INTS2: variants seen among roughly 807,000 people sequenced by gnomAD.
The protein encoded by INTS2 is KIAA1287.
INTS2 carries 57 observed loss-of-function variants against 139.6 expected under a neutral mutation model. That is an observed-to-expected ratio of 0.41 (90% CI 0.33 to 0.51). The LOEUF (loss-of-function observed/expected upper bound fraction) is 0.51, where lower values mean the gene tolerates loss of function less well. Among genes scored for constraint, INTS2 ranks in the 20% least tolerant of loss-of-function variants. The probability of loss-of-function intolerance (pLI) is 0.28; values close to 1 mark genes in which losing one functional copy is unlikely to be tolerated. For missense variants in INTS2, 1,196 were observed against 1,436.7 expected (o/e 0.83, Z 2.71); for synonymous variants, 473 against 493.4 (o/e 0.96, Z 0.55).
chr17:61,921,837 G>GAAAAAA lies in INTS2; in HGVS notation c.433-16_433-11dup. 1 of 1,232,884 alleles carries GAAAAAA rather than the reference G, an allele frequency of 8.1e-7. No individual in the cohort carries two copies. Among genetic ancestry groups the GAAAAAA allele is most frequent in the South Asian group, 1.5e-5 (1 of 67,942 alleles). 76.4% of individuals were successfully genotyped at this position (1,232,884 alleles called of 1,614,324 possible). A position where few individuals can be genotyped will look rare whatever the true frequency, so the allele number is the denominator to read the frequency against. Reference sequence around the variant, plus strand: ...CGTTGGACTCAGACACCTTAAAAAAGAAAAAAAAAAGATATAAACTCTATT... The same window carrying GAAAAAA: ...CGTTGGACTCAGACACCTTAAAAAAGAAAAAAAAAAAAAAAAGATATAAACTCTATT... On this transcript the variant is annotated splice_polypyrimidine_tract_variant and intron_variant, in intron 3 of 24. Coordinates refer to ENST00000251334, the MANE Select transcript of INTS2 (RefSeq NM_001351695.2).
rs1247704558 is a variant in INTS2 at position 61,866,254 on chromosome 17, G to A, written c.*1303C>T. ...TGCCTGCAGTCCCAGCTACTCAGGA[G>A]GTTGAGGCACGAGAATCCCTTGAAC... is the stretch of plus-strand genomic sequence containing the variant. On this transcript the variant is annotated 3_prime_UTR_variant, in exon 25 of 25. Transcript: ENST00000251334. 1 of 152,014 alleles carries A rather than the reference G, an allele frequency of 6.6e-6. No individual in the cohort carries two copies. The highest frequency in any genetic ancestry group is 1.5e-5 in the Non-Finnish European group (1 of 68,072). 9.4% of individuals were successfully genotyped at this position (152,014 alleles called of 1,614,324 possible). A position where few individuals can be genotyped will look rare whatever the true frequency, so the allele number is the denominator to read the frequency against.
rs866047277 is a variant in INTS2 at position 61,882,081 on chromosome 17, G to A, written c.2090-910C>T. On this transcript the variant is annotated intron_variant, in intron 16 of 24. Coordinates refer to ENST00000251334, the MANE Select transcript of INTS2 (RefSeq NM_001351695.2). This position sits in a 1 kb window ranked among gnomAD's most constrained non-coding sequence, Gnocchi z 4.7. ...TGTTGAGAATCATCACTATAGATAT[G>A]GTAAAATTAAAGTTGCCCACTTTGA... Among the ~76,000 whole-genome samples, 5 of 152,116 alleles carry A rather than the reference G, an allele frequency of 3.3e-5. No individual in the cohort carries two copies. Among genetic ancestry groups the A allele is most frequent in the African/African-American group, 1.2e-4 (5 of 41,422 alleles).
intron 14 of INTS2, among the ~76,000 whole-genome samples, chr17:61,890,461 T>G (rs1202992637): frequency 2.6e-5 from 4 of 151,490 alleles, no homozygotes; most frequent in Non-Finnish European, 5.9e-5. Flanking sequence ...AATATAAAAA[T>G]TAGCCAGGCG....
At chr17:61,880,869 A>G in intron 17 of INTS2, 138 bp downstream of exon 17, 1 of 668,412 alleles carries the variant, frequency 1.5e-6, no homozygotes, top group Non-Finnish European at 2.5e-6. Context: ...CGCAAAGAGT[A>G]TTTTATATAC....
intron 8 of INTS2, among the ~76,000 whole-genome samples, chr17:61,904,894 G>C (rs1229138155): frequency 6.6e-6 from 1 of 151,442 alleles, no homozygotes; most frequent in Non-Finnish European, 1.5e-5. Context: ...TTGTACTGTA[G>C]CCTTTAAAAT....
rs1378474298 is a variant in INTS2, at chr17:61,873,974, C to T, written c.2582+939G>A. On this transcript the variant is annotated intron_variant, in intron 19 of 24. Coordinates refer to ENST00000251334, the MANE Select transcript of INTS2 (RefSeq NM_001351695.2). The surrounding 1 kb of genome is among the most constrained non-coding windows in gnomAD (Gnocchi z 4.0). ...CTTCCTCATTCTTGCTTCTAAACTTCTGCTCATACTACTCTTTTTCTCAAA... is the reference window on the plus strand; with the variant it reads ...CTTCCTCATTCTTGCTTCTAAACTTTTGCTCATACTACTCTTTTTCTCAAA... 5 of 152,190 alleles carry T rather than the reference C, an allele frequency of 3.3e-5. No individual in the cohort carries two copies. The highest frequency in any genetic ancestry group is 1.2e-4 in the African/African-American group (5 of 41,446). 9.4% of individuals were successfully genotyped at this position (152,190 alleles called of 1,614,324 possible). A position where few individuals can be genotyped will look rare whatever the true frequency, so the allele number is the denominator to read the frequency against.
At chr17:61,910,901 T>C (rs956191071) in intron 7 of INTS2, 3 of 152,186 alleles carry the variant, frequency 2.0e-5, no homozygotes, top group Non-Finnish European at 4.4e-5. Flanking sequence ...TTCTTTCTCA[T>C]TCACTCACAA....
At chr17:61,899,218 C>T (rs942946945) in intron 9 of INTS2, among the ~76,000 whole-genome samples, 6 of 152,224 alleles carry the variant, frequency 3.9e-5, no homozygotes, top group Non-Finnish European at 7.4e-5. Context: ...AATAATCTTT[C>T]TTTTCCTTTT....
At chr17:61,888,670 TA>T (rs1365472988) in intron 15 of INTS2, among the ~76,000 whole-genome samples, 1 of 151,766 alleles carries the variant, frequency 6.6e-6, no homozygotes, top group Non-Finnish European at 1.5e-5. Context: ...CCTCCCAAAG[TA>T]CCAAAGTACT....
chr17:61,868,297 A>G lies in INTS2; in HGVS notation c.3245-288T>C, dbSNP rs755514383. ...ATGACACTCATTTTATATATGAGAA[A>G]ACTCTTAAAAAAAGGTTAGAGAGGT... On this transcript the variant is annotated intron_variant, in intron 23 of 24. Coordinates refer to ENST00000251334, the MANE Select transcript of INTS2 (RefSeq NM_001351695.2). The surrounding 1 kb of genome is among the most constrained non-coding windows in gnomAD (Gnocchi z 4.7). 6.6e-6 allele frequency among the ~76,000 whole-genome samples: 1 copy of G among 152,180 alleles called. No individual in the cohort carries two copies. Among genetic ancestry groups the G allele is most frequent in the Non-Finnish European group, 1.5e-5 (1 of 67,998 alleles).
At chr17:61,898,248 G>T (rs936282911) in intron 9 of INTS2, among the ~76,000 whole-genome samples, 1 of 152,078 alleles carries the variant, frequency 6.6e-6, no homozygotes. Context: ...CACTAATCAT[G>T]GGAAAAAAGG....
In INTS2 at chr17:61,870,538, T is replaced by C. The variant is rs906151398; in HGVS notation, c.2779-550A>G. 6.6e-6 allele frequency among the ~76,000 whole-genome samples: 1 copy of C among 152,174 alleles called. No individual in the cohort carries two copies. Among genetic ancestry groups the C allele is most frequent in the African/African-American group, 2.4e-5 (1 of 41,436 alleles). On this transcript the variant is annotated intron_variant, in intron 20 of 24. Coordinates refer to ENST00000251334, the MANE Select transcript of INTS2 (RefSeq NM_001351695.2). The surrounding 1 kb of genome is among the most constrained non-coding windows in gnomAD (Gnocchi z 4.4). ...CTCAGTCTACAGGCTTGAGCATCAT[T>C]GCACAGAGCAGTAGCTTGAGGGGTA...
At chr17:61,902,416 CA>C (rs924249152) in intron 9 of INTS2, among the ~76,000 whole-genome samples, 86 of 152,230 alleles carry the variant, frequency 5.6e-4, no homozygotes, top group African/African-American at 2.0e-3. Flanking sequence ...TCCTTCCCCT[CA>C]ATCTTGTTCT....
At chr17:61,911,114 G>A (rs540736794) in intron 7 of INTS2, 92 of 208,922 alleles carry the variant, frequency 4.4e-4, no homozygotes, top group African/African-American at 2.0e-3. Flanking sequence ...ATGAGGTCTC[G>A]CTATGTTGCC....
Position 61,907,572 on chromosome 17 carries a change from C to G in INTS2, c.1017G>C (p.Leu339Phe). The change falls in exon 8 of 25, where the codon TTG becomes TTC. Residue 339 changes from leucine (L) to phenylalanine (F), a missense_variant. Transcript: ENST00000251334. ...TTCTTACTGTGGGAAGAATGCCCATCAACTCCAGAAGAAGCTGCCTTCTCA... is the reference window on the plus strand; with the variant it reads ...TTCTTACTGTGGGAAGAATGCCCATGAACTCCAGAAGAAGCTGCCTTCTCA... ...WQMRRQLLLE[L>F]MGILPTVRST... 6.3e-7 allele frequency: 1 copy of G among 1,593,496 alleles called. No individual in the cohort carries two copies. The highest frequency in any genetic ancestry group is 8.6e-7 in the Non-Finnish European group (1 of 1,169,440).
chr17:61,914,203 T>C (rs2079554433), intron 5 of INTS2, among the ~76,000 whole-genome samples: 2 of 151,918 alleles, frequency 1.3e-5, no homozygotes, highest in Non-Finnish European at 2.9e-5. Flanking sequence ...GAAAAACTAA[T>C]TATAAGAAAG....
At position 61,927,881 on chromosome 17, in the gene INTS2, A is replaced by G; in HGVS notation, c.-246T>C. 3.7e-6 allele frequency: 6 copies of G among 1,611,488 alleles called. No individual in the cohort carries two copies. The South Asian group carries it at 6.6e-5, about 18-fold the overall frequency. The stretch of plus-strand genomic sequence containing the variant: ...GATGGGGGCACCACACAAAGGCAGA[A>G]CCGGGACTGTAGGAACGGAAAAGCG... On this transcript the variant is annotated 5_prime_UTR_variant, in exon 1 of 25. Coordinates refer to ENST00000251334, the MANE Select transcript of INTS2 (RefSeq NM_001351695.2).
rs115671524 is a variant in INTS2 at position 61,874,956 on chromosome 17, T to G, written c.2539A>C (p.Ile847Leu). The change falls in exon 19 of 25, where the codon ATA (isoleucine) becomes CTA (leucine). Residue 847 changes from isoleucine to leucine, a missense_variant. Ile to Leu is a conservative substitution (Grantham distance 5, BLOSUM62 2). Transcript: ENST00000251334. ...CACCTTAGGACAATGAGAGGATCTA[T>G]CATCAGGTCATTCTGAGTATACTTT... ...QQKYTQNDLMIDPLIVLRCDQ... is the reference protein window; with the variant it reads ...QQKYTQNDLMLDPLIVLRCDQ... 2 of 1,598,328 alleles carry G rather than the reference T, an allele frequency of 1.3e-6. No individual in the cohort carries two copies. The highest frequency in any genetic ancestry group is 3.4e-5 in the Admixed American group (2 of 58,154).
rs566714798 is a variant in INTS2, at chr17:61,910,756, A to C, written c.954+764T>G. The C allele has an allele frequency of 3.9e-5, 6 of 152,242 alleles. No individual in the cohort carries two copies. The East Asian group carries it at 1.2e-3, about 29-fold the overall frequency. 9.4% of individuals were successfully genotyped at this position (152,242 alleles called of 1,614,324 possible). On this transcript the variant is annotated intron_variant, in intron 7 of 24. Transcript: ENST00000251334. Reference sequence around the variant, plus strand: ...AAAACATATATACACATATGTATTAAAATTTAAAAATATAATAACTTATTT... The same window carrying C: ...AAAACATATATACACATATGTATTACAATTTAAAAATATAATAACTTATTT...
Sources: gnomAD v4.1 joint callset for allele counts (sites outside exome capture counted in the v4.1 genomes callset) on GRCh38, gnomAD v4.1.1 for gene constraint, Gnocchi (gnomAD v3.1) non-coding constraint, MANE v1.5 for transcripts, NCBI Gene and HGNC (gene_info 2026-07-23, HGNC 2026-07-21) for gene names.